Variants in ADAP1 observed in about 807,000 individuals in gnomAD.
ADAP1 encodes ArfGAP with dual PH domains 1.
ADAP1 carries 31 observed loss-of-function variants against 54.9 expected under a neutral mutation model. The ratio of observed to expected loss-of-function variants is 0.56; its 90% CI spans 0.42 to 0.76. ADAP1 has a LOEUF of 0.76. Among genes scored for constraint, ADAP1 ranks in the 30% least tolerant of loss-of-function variants. ADAP1 has a pLI of 0.00. For synonymous variants in ADAP1, 313 were observed against 202.6 expected (o/e 1.55, Z -4.63); for missense variants, 535 against 512.4 (o/e 1.04, Z -0.42).
chr7:907,010 G>T (rs966281449), intron 4 of ADAP1, among the ~76,000 whole-genome samples: 5 of 152,114 alleles, frequency 3.3e-5, no homozygotes, highest in Non-Finnish European at 7.4e-5. Context: ...GGCAGGGCTG[G>T]GTCCAACCTC....
intron 3 of ADAP1, among the ~76,000 whole-genome samples, chr7:923,970 G>A (rs548203390): frequency 1.5e-4 from 23 of 151,998 alleles, no homozygotes; most frequent in Admixed American, 9.2e-4. Flanking sequence ...TGGGCCCCAC[G>A]AGCCACAGAG....
chr7:948,183 C>T (rs972958352), intron 1 of ADAP1, among the ~76,000 whole-genome samples: 2 of 151,830 alleles, frequency 1.3e-5, no homozygotes, highest in African/African-American at 4.8e-5. Flanking sequence ...CAGGACCTGA[C>T]CCAGCCATGT....
At chr7:928,055 A>C (rs1846446845) in intron 2 of ADAP1, among the ~76,000 whole-genome samples, 1 of 147,524 alleles carries the variant, frequency 6.8e-6, no homozygotes, top group African/African-American at 2.5e-5. Context: ...GTCTCTCAAA[A>C]AAAAAAAAAA....
chr7:951,365 T>C (rs1183740720), intron 1 of ADAP1, among the ~76,000 whole-genome samples: 2 of 127,964 alleles, frequency 1.6e-5, no homozygotes, highest in Non-Finnish European at 3.3e-5. Flanking sequence ...AGAGCGAGAC[T>C]CCGTCTCAAA....
At position 926,340 on chromosome 7, in the gene ADAP1, G is replaced by GCCCCACCCCATCGCC. The variant is rs1846386441; in HGVS notation, c.305+212_305+213insGGCGATGGGGTGGGG. ...CTACTGATGCACAATGACCTTCCCAGCCCCACCCCAGCGCCCCCCGCCCCA... is the reference window on the plus strand; with the variant it reads ...CTACTGATGCACAATGACCTTCCCAGCCCCACCCCATCGCCCCCCACCCCAGCGCCCCCCGCCCCA... On this transcript the variant is annotated intron_variant, in intron 3 of 10. Coordinates refer to ENST00000265846, the MANE Select transcript of ADAP1 (RefSeq NM_006869.4). The surrounding 1 kb of genome is among the most constrained non-coding windows in gnomAD (Gnocchi z 4.6). 1.4e-5 allele frequency among the ~76,000 whole-genome samples: 1 copy of GCCCCACCCCATCGCC among 71,984 alleles called. No homozygotes were observed. Among genetic ancestry groups the GCCCCACCCCATCGCC allele is most frequent in the African/African-American group, 4.7e-5 (1 of 21,392 alleles). The allele number at this position is 71,984 out of a possible 152,430, so 47.2% of individuals were successfully genotyped here. A position where few individuals can be genotyped will look rare whatever the true frequency, so the allele number is the denominator to read the frequency against.
chr7:906,907 C>T (rs570654276), intron 4 of ADAP1, among the ~76,000 whole-genome samples: 6 of 142,870 alleles, frequency 4.2e-5, no homozygotes, highest in South Asian at 2.3e-4. Flanking sequence ...AGCCTGAGGA[C>T]GGCCTGGATG....
rs1349188122 is a variant in ADAP1, at chr7:920,263, T to C, written c.306-213A>G. Among the ~76,000 whole-genome samples the C allele has an allele frequency of 6.6e-6, 1 of 152,050 alleles. No homozygotes were observed. Among genetic ancestry groups the C allele is most frequent in the African/African-American group, 2.4e-5 (1 of 41,390 alleles). Reference sequence around the variant, plus strand: ...CTCTGATATTAGTTTATTGGTTTCTTGTGCGTTCGGCCCCCGGAGCATCAG... The same window carrying C: ...CTCTGATATTAGTTTATTGGTTTCTCGTGCGTTCGGCCCCCGGAGCATCAG... On this transcript the variant is annotated intron_variant, in intron 3 of 10. Transcript: ENST00000265846. This position sits in a 1 kb window ranked among gnomAD's most constrained non-coding sequence, Gnocchi z 4.5.
At chr7:947,927 GCCT>G (rs10529919) in intron 1 of ADAP1, among the ~76,000 whole-genome samples, 60,037 of 150,894 alleles carry the variant, frequency 0.4, 12,320 homozygotes, top group South Asian at 0.51. Flanking sequence ...GGGCACACTG[GCCT>G]CCTCACTTCT....
intron 2 of ADAP1, among the ~76,000 whole-genome samples, chr7:931,319 A>C (rs1267264441): frequency 1.3e-5 from 2 of 152,236 alleles, no homozygotes; most frequent in Non-Finnish European, 1.5e-5. Flanking sequence ...AATAAGGTAG[A>C]GACGACCCAC....
chr7:904,560 C>T (rs1844999746), intron 5 of ADAP1, among the ~76,000 whole-genome samples: 3 of 152,192 alleles, frequency 2.0e-5, no homozygotes, highest in Admixed American at 6.5e-5. Context: ...GGCACGGCAG[C>T]TCCCACAGGG....
At chr7:949,284 C>T (rs541279720) in intron 1 of ADAP1, among the ~76,000 whole-genome samples, 21 of 152,314 alleles carry the variant, frequency 1.4e-4, no homozygotes, top group South Asian at 8.3e-4. Flanking sequence ...CCTGGCCACA[C>T]GGCCACGTGC....
chr7:901,626 C>T (rs1288425362), intron 6 of ADAP1, among the ~76,000 whole-genome samples: 2 of 151,904 alleles, frequency 1.3e-5, no homozygotes, highest in Non-Finnish European at 2.9e-5. Flanking sequence ...GTGGCCCCAC[C>T]CAGCAAAGCC....
chr7:898,915 C>T lies in ADAP1; in HGVS notation c.*6G>A. On this transcript the variant is annotated 3_prime_UTR_variant, in exon 11 of 11. Coordinates refer to ENST00000265846, the MANE Select transcript of ADAP1 (RefSeq NM_006869.4). ...TCCAATGTCCGTGGTCCTCCAGCCG[C>T]ACTCGCTAAGGTTTATGCTTGAAGT... 1 of 1,601,644 alleles carries T rather than the reference C, an allele frequency of 6.2e-7. No individual in the cohort carries two copies. Among genetic ancestry groups the T allele is most frequent in the East Asian group, 2.3e-5 (1 of 43,952 alleles).
chr7:903,471 G>A (rs1175986173), intron 6 of ADAP1, among the ~76,000 whole-genome samples: 1 of 152,182 alleles, frequency 6.6e-6, no homozygotes. Context: ...TCAAGATTTA[G>A]GAACGATATA....
At chr7:900,695 CAGAGGGGCCGCTTCCCCCAG>C in intron 6 of ADAP1, 79 bp from the exon 7 acceptor site, 5 of 1,245,614 alleles carry the variant, frequency 4.0e-6, no homozygotes, top group Non-Finnish European at 5.7e-6. Flanking sequence ...GGGGTCCCCA[CAGAGGGGCCGCTTCCCCCAG>C]AGCCCAGCCC....
At chr7:904,821 A>C (rs1260185411) in intron 5 of ADAP1, among the ~76,000 whole-genome samples, 1 of 152,182 alleles carries the variant, frequency 6.6e-6, no homozygotes, top group Non-Finnish European at 1.5e-5. Flanking sequence ...GCCTGAGTTC[A>C]GGGGGCCCCG....
At chr7:931,015 A>AGGGTAGG (rs1846559041) in intron 2 of ADAP1, among the ~76,000 whole-genome samples, 1 of 122,114 alleles carries the variant, frequency 8.2e-6, no homozygotes, top group African/African-American at 3.0e-5. Flanking sequence ...GGAAGGAAGG[A>AGGGTAGG]GGGTAGGGAG....
chr7:920,230 G>A lies in ADAP1; in HGVS notation c.306-180C>T, dbSNP rs570768707. On this transcript the variant is annotated intron_variant, in intron 3 of 10. Coordinates refer to ENST00000265846, the MANE Select transcript of ADAP1 (RefSeq NM_006869.4). The surrounding 1 kb of genome is among the most constrained non-coding windows in gnomAD (Gnocchi z 4.5). ...GCAGGGTCAGCCTCCTGCCCGGGAC[G>A]CTTCTCACTCTGATATTAGTTTATT... 2.6e-5 allele frequency among the ~76,000 whole-genome samples: 4 copies of A among 152,242 alleles called. No individual in the cohort carries two copies. Among genetic ancestry groups the A allele is most frequent in the South Asian group, 2.1e-4 (1 of 4,830 alleles).
At chr7:917,904 G>A (rs1054746573) in intron 4 of ADAP1, among the ~76,000 whole-genome samples, 1 of 152,140 alleles carries the variant, frequency 6.6e-6, no homozygotes, top group Non-Finnish European at 1.5e-5. Context: ...CCAAGTAGCT[G>A]GAACCACAGA....
Sources: allele counts gnomAD v4.1 joint callset (sites outside exome capture counted in the v4.1 genomes callset), GRCh38; gene constraint gnomAD v4.1.1; non-coding constraint Gnocchi (gnomAD v3.1); transcripts MANE v1.5; gene names NCBI Gene and HGNC (gene_info 2026-07-23, HGNC 2026-07-21).